The following ABCA8 variants were observed in gnomAD, a reference collection of about 807,000 sequenced individuals.
ABCA8 encodes the protein ATP binding cassette subfamily A member 8, also known as ABC-type organic anion transporter ABCA8.
In ABCA8, 177 loss-of-function variants were observed where a neutral mutation model predicts 192.3. That is an observed-to-expected ratio of 0.92 (90% CI 0.81 to 1.04). The LOEUF (loss-of-function observed/expected upper bound fraction) is 1.04. Among genes scored for constraint, ABCA8 ranks in the 50% least tolerant of loss-of-function variants. The pLI, the probability that ABCA8 is intolerant of heterozygous loss-of-function variation, is 0.00. For synonymous variants in ABCA8, 642 were observed against 690.2 expected (o/e 0.93, Z 1.09); for missense variants, 1,915 against 1,904.8 (o/e 1.01, Z -0.10).
At chr17:68,876,410 G>A (rs757011337) in intron 35 of ABCA8, 50 bp downstream of exon 35, 20 of 1,610,084 alleles carry the variant, frequency 1.2e-5, no homozygotes, top group Non-Finnish European at 1.6e-5. Context: ...TGGTTCACAG[G>A]CTCCATGCAA....
rs2067235623 is a variant in ABCA8 at position 68,911,886 on chromosome 17, G to T, written c.2139-4007C>A. Among the ~76,000 whole-genome samples, 1 of 152,152 alleles carries T rather than the reference G, an allele frequency of 6.6e-6. No homozygotes were observed. The highest frequency in any genetic ancestry group is 1.5e-5 in the Non-Finnish European group (1 of 68,030). On this transcript the variant is annotated intron_variant, in intron 17 of 39. Transcript: ENST00000586539. The surrounding 1 kb of genome is among the most constrained non-coding windows in gnomAD (Gnocchi z 5.7). Reference sequence around the variant, plus strand: ...AGTCTGCAAGAATCACCATGTTACTGGATTTGAGGGTGCCCCCTAGTGCTG... The same window carrying T: ...AGTCTGCAAGAATCACCATGTTACTTGATTTGAGGGTGCCCCCTAGTGCTG...
At chr17:68,881,277 G>T in intron 31 of ABCA8, 66 bp from the exon 32 acceptor site, 1 of 1,104,940 alleles carries the variant, frequency 9.1e-7, no homozygotes, top group Non-Finnish European at 1.4e-6. Context: ...AAACATAGTT[G>T]AAATCTCACT....
intron 24 of ABCA8, among the ~76,000 whole-genome samples, chr17:68,890,979 T>G (rs1342186450): frequency 6.6e-6 from 1 of 152,252 alleles, no homozygotes; most frequent in Non-Finnish European, 1.5e-5. Flanking sequence ...TTTGTGCATG[T>G]GACGGATGTT....
At chr17:68,940,451 G>C (rs1449974745) in intron 4 of ABCA8, among the ~76,000 whole-genome samples, 1 of 152,028 alleles carries the variant, frequency 6.6e-6, no homozygotes, top group African/African-American at 2.4e-5. Flanking sequence ...AAACACTACT[G>C]CTCTAAATGT....
chr17:68,953,646 G>T lies in ABCA8; in HGVS notation c.-167+1573C>A, dbSNP rs1361419339. 2.6e-5 allele frequency among the ~76,000 whole-genome samples: 4 copies of T among 152,256 alleles called. No homozygotes were observed. In the East Asian group the frequency reaches 7.7e-4, roughly 29 times the overall value. ...AGAAGAGGGAAAGACAGTTCCAAGAGTAAAGCAGCCTAGGTTAAGGTGCAG... is the reference window on the plus strand; with the variant it reads ...AGAAGAGGGAAAGACAGTTCCAAGATTAAAGCAGCCTAGGTTAAGGTGCAG... On this transcript the variant is annotated intron_variant, in intron 1 of 39. Transcript: ENST00000586539.
At chr17:68,934,387 G>A (rs1193890970) in intron 5 of ABCA8, among the ~76,000 whole-genome samples, 1 of 152,028 alleles carries the variant, frequency 6.6e-6, no homozygotes, top group Non-Finnish European at 1.5e-5. Flanking sequence ...TCTCTTATAT[G>A]TTACAGTAAT....
chr17:68,915,960 A>C (rs1838102), intron 17 of ABCA8, among the ~76,000 whole-genome samples: 98,358 of 152,026 alleles, frequency 0.65, 32,812 homozygotes, highest in African/African-American at 0.81. Flanking sequence ...AGAATGAGAT[A>C]CTGTCATGTG....
chr17:68,876,309 T>C, intron 35 of ABCA8, 151 bp downstream of exon 35: 1 of 837,116 alleles, frequency 1.2e-6, no homozygotes, highest in Non-Finnish European at 1.8e-6. Context: ...AAGATCTTTT[T>C]TTTTTGCAAA....
At chr17:68,873,041 T>C (rs2066106773) in intron 37 of ABCA8, among the ~76,000 whole-genome samples, 1 of 152,212 alleles carries the variant, frequency 6.6e-6, no homozygotes, top group South Asian at 2.1e-4. Flanking sequence ...TTTATAAAAG[T>C]CATGTACAGT....
At chr17:68,942,077 G>A (rs751113968) in intron 2 of ABCA8, 38 bp from the exon 3 acceptor site, 1 of 1,474,630 alleles carries the variant, frequency 6.8e-7, no homozygotes, top group Non-Finnish European at 9.4e-7. Flanking sequence ...AAATTAATAT[G>A]AAGTTCTTAA....
chr17:68,951,812 T>G (rs953590791), intron 1 of ABCA8, among the ~76,000 whole-genome samples: 4 of 152,214 alleles, frequency 2.6e-5, no homozygotes, highest in Non-Finnish European at 5.9e-5. Context: ...ATTTGGTTAC[T>G]ATATAAAAAA....
intron 2 of ABCA8, among the ~76,000 whole-genome samples, chr17:68,943,276 A>C (rs1447742374): frequency 6.6e-6 from 1 of 152,106 alleles, no homozygotes. Flanking sequence ...TATTGTTTCC[A>C]TCTTTAAGAA....
intron 24 of ABCA8, among the ~76,000 whole-genome samples, chr17:68,887,925 T>TTATATATGGATATATATATTA (rs2066526068): frequency 3.0e-5 from 3 of 101,016 alleles, no homozygotes; most frequent in African/African-American, 4.0e-5. Context: ...TATATATATA[T>TTATATATGGATATATATATTA]TATATATGGA....
In ABCA8 at chr17:68,899,465, T is replaced by A. The variant is rs182729475; in HGVS notation, c.2764+3248A>T. ...GAAAACTGGAGTGGCTCTTCTAATATCAGACAAAATAGATGAAAACAAAAA... is the reference window on the plus strand; with the variant it reads ...GAAAACTGGAGTGGCTCTTCTAATAACAGACAAAATAGATGAAAACAAAAA... On this transcript the variant is annotated intron_variant, in intron 21 of 39. Transcript: ENST00000586539. Among the ~76,000 whole-genome samples the A allele has an allele frequency of 2.1e-3, 319 of 151,976 alleles. 1 individual carries two copies. Among genetic ancestry groups the A allele is most frequent in the Non-Finnish European group, 3.5e-3 (236 of 67,870 alleles).
At chr17:68,944,154 G>T (rs150494101) in intron 2 of ABCA8, among the ~76,000 whole-genome samples, 3 of 151,038 alleles carry the variant, frequency 2.0e-5, no homozygotes, top group South Asian at 2.1e-4. Flanking sequence ...GGTCCTGTTG[G>T]GGGGTGAGAG....
Position 68,932,415 on chromosome 17 carries a change from A to T in ABCA8, c.670T>A (p.Leu224Met). Residue 224 changes from leucine (L) to methionine (M), a missense_variant, in exon 7 of 40, where the codon TTG (leucine) becomes ATG (methionine). Physicochemically the swap from Leu to Met is conservative, Grantham distance 15 (BLOSUM62 2). Transcript: ENST00000586539. ...GAAATAATGCAGGAAAAAAGGTACA[A>T]ATCAGTTATAACTCCTGATTGACCA... ...FIGQSGVITDLYLFSCIISFS... is the reference protein window; with the variant it reads ...FIGQSGVITDMYLFSCIISFS... 1 of 1,614,020 alleles carries T rather than the reference A, an allele frequency of 6.2e-7. No homozygotes were observed.
At chr17:68,950,668 C>T (rs1328892828) in intron 1 of ABCA8, among the ~76,000 whole-genome samples, 2 of 152,082 alleles carry the variant, frequency 1.3e-5, no homozygotes, top group Non-Finnish European at 2.9e-5. Context: ...AATTTATCCT[C>T]TTACTTTTCA....
At chr17:68,910,054 T>A (rs2067193737) in intron 17 of ABCA8, among the ~76,000 whole-genome samples, 1 of 152,152 alleles carries the variant, frequency 6.6e-6, no homozygotes, top group African/African-American at 2.4e-5. Flanking sequence ...AATAGAAGAT[T>A]TAGGAGGGGA....
At chr17:68,917,328 A>G (rs1439022370) in intron 17 of ABCA8, 33 bp downstream of exon 17, 1 of 1,342,632 alleles carries the variant, frequency 7.4e-7, no homozygotes, top group Non-Finnish European at 1.1e-6. Context: ...GCCTTACACT[A>G]GATCTACTCC....
Sources: gnomAD v4.1 joint callset for allele counts (sites outside exome capture counted in the v4.1 genomes callset) on GRCh38, gnomAD v4.1.1 for gene constraint, Gnocchi (gnomAD v3.1) non-coding constraint, MANE v1.5 for transcripts, NCBI Gene and HGNC (gene_info 2026-07-23, HGNC 2026-07-21) for gene names.